PPT2: variants seen among roughly 807,000 people sequenced by gnomAD.
PPT2 encodes palmitoyl-protein thioesterase 2.
PPT2 carries 20 observed loss-of-function variants against 37.3 expected under a neutral mutation model. The observed-to-expected ratio is 0.54, with a 90% confidence interval of 0.38 to 0.78. The LOEUF (loss-of-function observed/expected upper bound fraction) is 0.78. PPT2 is among the 30% of genes least tolerant of loss of function. PPT2 has a pLI of 0.00. For synonymous variants in PPT2, 135 were observed against 159.1 expected (o/e 0.85, Z 1.14); for missense variants, 270 against 389.8 (o/e 0.69, Z 2.59).
At chr6:32,153,825 G>C (rs1414869775), upstream of PPT2, 9 of 1,032,798 alleles carry the variant, frequency 8.7e-6, no homozygotes, top group African/African-American at 1.6e-5. This position sits in a 1 kb window ranked among gnomAD's most constrained non-coding sequence, Gnocchi z 4.4. Context: ...GTTCTGCTGC[G>C]GAGCCAGACG....
rs749590210 is a variant in PPT2, at chr6:32,154,610, G to A, written c.16G>A (p.Gly6Arg). MLGLC[G>R]QRLPAAWVLL... is the part of the protein sequence containing the mutation. ...AGGCGGGAGCATGCTGGGGCTCTGC[G>A]GGCAGCGGCTCCCCGCGGCGTGGGT... Residue 6 changes from glycine (G) to arginine (R), a missense_variant, in exon 2 of 9, where the codon GGG (glycine) becomes AGG (arginine). Transcript: ENST00000324816. This position sits in a 1 kb window ranked among gnomAD's most constrained non-coding sequence, Gnocchi z 7.3. 1.2e-6 allele frequency: 2 copies of A among 1,611,708 alleles called. No individual in the cohort carries two copies. Among genetic ancestry groups the A allele is most frequent in the Non-Finnish European group, 1.7e-6 (2 of 1,179,338 alleles).
chr6:32,157,751 T>C lies in PPT2; in HGVS notation c.625+31T>C, dbSNP rs1163109682. 1.9e-6 allele frequency: 3 copies of C among 1,570,144 alleles called. No individual in the cohort carries two copies. In the East Asian group the frequency reaches 6.7e-5, roughly 35 times the overall value. The stretch of plus-strand genomic sequence containing the variant: ...AATTCAGGCTCCTACCTGTGTTGCT[T>C]TTTCTGCTTCTTTGACTCCCTATGT... On this transcript the variant is annotated intron_variant, in intron 6 of 8. Coordinates refer to ENST00000324816, the MANE Select transcript of PPT2 (RefSeq NM_005155.7).
In PPT2 at chr6:32,163,293, T is replaced by C; in HGVS notation, c.*343T>C. ...TGCTGCTCCTCCGTATCTGGCTGTATGGGTGGAGAACCCACCCCCTGCCCA... is the reference window on the plus strand; with the variant it reads ...TGCTGCTCCTCCGTATCTGGCTGTACGGGTGGAGAACCCACCCCCTGCCCA... On this transcript the variant is annotated 3_prime_UTR_variant, in exon 9 of 9. Coordinates refer to ENST00000324816, the MANE Select transcript of PPT2 (RefSeq NM_005155.7). 3.3e-6 allele frequency: 1 copy of C among 298,920 alleles called. No homozygotes were observed. Among genetic ancestry groups the C allele is most frequent in the Non-Finnish European group, 6.2e-6 (1 of 160,468 alleles). The allele number at this position is 298,920 out of a possible 1,614,324, so 18.5% of individuals were successfully genotyped here. A position where few individuals can be genotyped will look rare whatever the true frequency, so the allele number is the denominator to read the frequency against.
rs28359849 is a variant in PPT2, at chr6:32,155,584, CTGTGTGTGTGTGTGTGTG to C, written c.338-87_338-70del. 0.049 allele frequency: 34,580 copies of C among 698,700 alleles called. 1,095 individuals are homozygous for C. The highest frequency in any genetic ancestry group is 0.13 in the African/African-American group (5,785 of 46,080). The allele number at this position is 698,700 out of a possible 1,614,324, so 43.3% of individuals were successfully genotyped here. A position where few individuals can be genotyped will look rare whatever the true frequency, so the allele number is the denominator to read the frequency against. The stretch of plus-strand genomic sequence containing the variant: ...GTACAGTGTGTGTCTGTGTGTGTCT[CTGTGTGTGTGTGTGTGTG>C]TGTGTGTGTGTGTGTGGTGGGGGTG... On this transcript the variant is annotated intron_variant, in intron 3 of 8. Transcript: ENST00000324816. This position sits in a 1 kb window ranked among gnomAD's most constrained non-coding sequence, Gnocchi z 4.3.
rs1042360239 is a variant in PPT2 at position 32,163,127 on chromosome 6, G to A, written c.*177G>A. 1.5e-5 allele frequency: 10 copies of A among 667,784 alleles called. No individual in the cohort carries two copies. The highest frequency in any genetic ancestry group is 1.3e-4 in the African/African-American group (7 of 55,072). 41.4% of individuals were successfully genotyped at this position (667,784 alleles called of 1,614,324 possible). On this transcript the variant is annotated 3_prime_UTR_variant, in exon 9 of 9. Coordinates refer to ENST00000324816, the MANE Select transcript of PPT2 (RefSeq NM_005155.7). ...TGGCCTCCCAGAACCCCCTTCCTCT[G>A]CTCCTCCATGAATGACAATTCCAGG...
In PPT2 at chr6:32,156,680, C is replaced by A. The variant is rs1783826281; in HGVS notation, c.541+702C>A. ...GGTCACAGTTTGCCAACCTCTAGAC[C>A]AGACCATGGGGCCAGAATACTTGGG... On this transcript the variant is annotated intron_variant, in intron 5 of 8. Coordinates refer to ENST00000324816, the MANE Select transcript of PPT2 (RefSeq NM_005155.7). This position sits in a 1 kb window ranked among gnomAD's most constrained non-coding sequence, Gnocchi z 4.9. Among the ~76,000 whole-genome samples the A allele has an allele frequency of 6.6e-6, 1 of 152,142 alleles. No homozygotes were observed. The highest frequency in any genetic ancestry group is 2.1e-4 in the South Asian group (1 of 4,834).
upstream of PPT2, chr6:32,154,094 G>A (rs1783552502): frequency 9.2e-7 from 1 of 1,088,696 alleles, no homozygotes; most frequent in Non-Finnish European, 1.1e-6. The surrounding 1 kb of genome is among the most constrained non-coding windows in gnomAD (Gnocchi z 7.3). Context: ...CCCCGGACGT[G>A]ACGGATTTGC....
rs781269613 is a variant in PPT2, at chr6:32,162,652, A to G, written c.765+30A>G. 6.3e-7 allele frequency: 1 copy of G among 1,588,052 alleles called. No individual in the cohort carries two copies. Among genetic ancestry groups the G allele is most frequent in the Non-Finnish European group, 8.6e-7 (1 of 1,156,370 alleles). ...GCCCCCTGGGATTACTTCCCCTTCT[A>G]GCCGCTGTCCCACCTTATTCCAGAG... On this transcript the variant is annotated intron_variant, in intron 8 of 8. Transcript: ENST00000324816. This position sits in a 1 kb window ranked among gnomAD's most constrained non-coding sequence, Gnocchi z 5.5.
Position 32,154,420 on chromosome 6 carries a change from G to T in PPT2, c.-9+16G>T, listed in dbSNP as rs991824805. ...GTGCGCGTTGGTGCGTCAACGTGGT[G>T]GGGGGGTGTGTTTGTAGGGAGAGGG... On this transcript the variant is annotated intron_variant, in intron 1 of 8. Coordinates refer to ENST00000324816, the MANE Select transcript of PPT2 (RefSeq NM_005155.7). This position sits in a 1 kb window ranked among gnomAD's most constrained non-coding sequence, Gnocchi z 7.3. 3 of 1,455,552 alleles carry T rather than the reference G, an allele frequency of 2.1e-6. No homozygotes were observed. The highest frequency in any genetic ancestry group is 2.5e-5 in the Admixed American group (1 of 39,552). 90.2% of individuals were successfully genotyped at this position (1,455,552 alleles called of 1,614,324 possible). A position where few individuals can be genotyped will look rare whatever the true frequency, so the allele number is the denominator to read the frequency against.
chr6:32,156,738 C>T lies in PPT2; in HGVS notation c.541+760C>T, dbSNP rs142648509. ...CTTGACCCTATTGGGTGCCTTTGGG[C>T]AAGTTACTTAACCATTCTGTTACTC... On this transcript the variant is annotated intron_variant, in intron 5 of 8. Coordinates refer to ENST00000324816, the MANE Select transcript of PPT2 (RefSeq NM_005155.7). This position sits in a 1 kb window ranked among gnomAD's most constrained non-coding sequence, Gnocchi z 4.9. Among the ~76,000 whole-genome samples the T allele has an allele frequency of 1.3e-5, 2 of 152,226 alleles. No homozygotes were observed. Among genetic ancestry groups the T allele is most frequent in the African/African-American group, 4.8e-5 (2 of 41,520 alleles).
In PPT2 at chr6:32,156,174, T is replaced by C. The variant is rs3096694; in HGVS notation, c.541+196T>C. 0.92 allele frequency among the ~76,000 whole-genome samples: 140,104 copies of C among 151,924 alleles called. 64,795 individuals carry two copies. Among genetic ancestry groups the C allele is most frequent in the East Asian group, 1 (5,136 of 5,158 alleles). ...CAGGCTGGAGTGCAGTGCACCATCT[T>C]GGCTCACTGCAACCTCCGCCTCCCA... is the stretch of plus-strand genomic sequence containing the variant. On this transcript the variant is annotated intron_variant, in intron 5 of 8. Coordinates refer to ENST00000324816, the MANE Select transcript of PPT2 (RefSeq NM_005155.7). This position sits in a 1 kb window ranked among gnomAD's most constrained non-coding sequence, Gnocchi z 4.9.
chr6:32,154,008 C>G, upstream of PPT2: 1 of 1,235,886 alleles, frequency 8.1e-7, no homozygotes, highest in Non-Finnish European at 1.0e-6. The surrounding 1 kb of genome is among the most constrained non-coding windows in gnomAD (Gnocchi z 7.3). Flanking sequence ...GCACCTAGGG[C>G]GCAATGGAAT....
At chr6:32,161,889 T>C (rs954527643) in intron 7 of PPT2, among the ~76,000 whole-genome samples, 8 of 152,122 alleles carry the variant, frequency 5.3e-5, no homozygotes, top group Non-Finnish European at 8.8e-5. Flanking sequence ...CAGCTAATTT[T>C]GTATTTTTAG....
intron 7 of PPT2, among the ~76,000 whole-genome samples, chr6:32,160,133 C>T (rs1784058808): frequency 6.6e-6 from 1 of 151,826 alleles, no homozygotes; most frequent in African/African-American, 2.4e-5. Flanking sequence ...CAAGCTCTGC[C>T]TCCCAGGTTC....
chr6:32,161,528 A>G (rs1268183206), intron 7 of PPT2, among the ~76,000 whole-genome samples: 1 of 148,258 alleles, frequency 6.7e-6, no homozygotes, highest in Non-Finnish European at 1.5e-5. Context: ...ACCTCAGGTG[A>G]TCCACCCTCC....
Position 32,163,146 on chromosome 6 carries a change from T to C in PPT2, c.*196T>C. On this transcript the variant is annotated 3_prime_UTR_variant, in exon 9 of 9. Transcript: ENST00000324816. ...TCCTCTGCTCCTCCATGAATGACAA[T>C]TCCAGGCCTCCCCTACCTCATGTCC... The C allele has an allele frequency of 1.6e-6, 1 of 611,180 alleles. No individual in the cohort carries two copies. Among genetic ancestry groups the C allele is most frequent in the South Asian group, 2.2e-5 (1 of 46,484 alleles). The allele number at this position is 611,180 out of a possible 1,614,324, so 37.9% of individuals were successfully genotyped here.
Position 32,155,684 on chromosome 6 carries a change from A to G in PPT2, c.338-4A>G, listed in dbSNP as rs746966031. On this transcript the variant is annotated splice_polypyrimidine_tract_variant and splice_region_variant and intron_variant, in intron 3 of 8. Coordinates refer to ENST00000324816, the MANE Select transcript of PPT2 (RefSeq NM_005155.7). The surrounding 1 kb of genome is among the most constrained non-coding windows in gnomAD (Gnocchi z 4.3). ...GCCTGCCCAATGTGGTGTTCTGCTTACAGGGGGCCTTGTGTGCCGGGCTCT... is the reference window on the plus strand; with the variant it reads ...GCCTGCCCAATGTGGTGTTCTGCTTGCAGGGGGCCTTGTGTGCCGGGCTCT... The G allele has an allele frequency of 1.2e-6, 2 of 1,613,568 alleles. No individual in the cohort carries two copies. The highest frequency in any genetic ancestry group is 1.7e-5 in the Admixed American group (1 of 59,970).
chr6:32,157,875 G>GGGAACTTTC lies in PPT2; in HGVS notation c.661_662insGGAACTTTC (p.Val221delinsGlyAsnPheLeu), dbSNP rs1783901200. 1.9e-6 allele frequency: 3 copies of GGGAACTTTC among 1,612,820 alleles called. No homozygotes were observed. The highest frequency in any genetic ancestry group is 2.5e-6 in the Non-Finnish European group (3 of 1,179,928). On this transcript the variant is annotated protein_altering_variant, in exon 7 of 9. Transcript: ENST00000324816. ...GAACTTTCTGCGTGTGGGCCACCTG[G>GGGAACTTTC]TGCTGATTGGGGGCCCTGATGATGG...
At chr6:32,158,385 C>T (rs1454951886) in intron 7 of PPT2, 4 of 156,244 alleles carry the variant, frequency 2.6e-5, no homozygotes, top group African/African-American at 7.2e-5. Flanking sequence ...TTATAACAGC[C>T]TCCAGCTTTG....
Sources: gnomAD v4.1 joint callset for allele counts (sites outside exome capture counted in the v4.1 genomes callset) on GRCh38, gnomAD v4.1.1 for gene constraint, Gnocchi (gnomAD v3.1) non-coding constraint, MANE v1.5 for transcripts, NCBI Gene and HGNC (gene_info 2026-07-23, HGNC 2026-07-21) for gene names.